Variants in DCBLD2 observed in about 807,000 individuals in gnomAD.
DCBLD2 encodes discoidin, CUB and LCCL domain containing 2, also known as discoidin, CUB and LCCL domain-containing protein 2.
DCBLD2 carries 54 observed loss-of-function variants against 86.8 expected under a neutral mutation model. That is an observed-to-expected ratio of 0.62 (90% CI 0.50 to 0.78). The LOEUF (loss-of-function observed/expected upper bound fraction) is 0.78. Among genes scored for constraint, DCBLD2 ranks in the 30% least tolerant of loss-of-function variants. The pLI is 0.00. For missense variants in DCBLD2, 908 were observed against 954.2 expected (o/e 0.95, Z 0.64); for synonymous variants, 354 against 341.3 (o/e 1.04, Z -0.41).
intron 3 of DCBLD2, among the ~76,000 whole-genome samples, chr3:98,836,511 C>T (rs1022749354): frequency 6.6e-6 from 1 of 151,874 alleles, no homozygotes; most frequent in Non-Finnish European, 1.5e-5. Flanking sequence ...ACAGACACCG[C>T]AACCATCCGA....
chr3:98,870,681 A>G (rs1439347775), intron 2 of DCBLD2, among the ~76,000 whole-genome samples: 1 of 150,006 alleles, frequency 6.7e-6, no homozygotes, highest in African/African-American at 2.5e-5. Flanking sequence ...AGAGAGAGAA[A>G]TAGAGAAAGA....
intron 1 of DCBLD2, among the ~76,000 whole-genome samples, chr3:98,882,304 C>T (rs1943484970): frequency 6.6e-6 from 1 of 152,106 alleles, no homozygotes; most frequent in Non-Finnish European, 1.5e-5. Flanking sequence ...ATCCAATCTT[C>T]AAAAGAAGAG....
intron 13 of DCBLD2, among the ~76,000 whole-genome samples, chr3:98,807,594 T>C (rs1278107100): frequency 6.6e-6 from 1 of 152,192 alleles, no homozygotes; most frequent in Admixed American, 6.5e-5. Context: ...TGGTATTTTC[T>C]TACAGCATCC....
chr3:98,898,720 A>T (rs1943793268), intron 1 of DCBLD2, among the ~76,000 whole-genome samples: 1 of 152,178 alleles, frequency 6.6e-6, no homozygotes, highest in South Asian at 2.1e-4. Flanking sequence ...CCTAAAGAAC[A>T]TCTGTTAGAC....
intron 3 of DCBLD2, among the ~76,000 whole-genome samples, chr3:98,835,728 T>G (rs1375250579): frequency 2.0e-5 from 3 of 150,204 alleles, no homozygotes; most frequent in Admixed American, 6.6e-5. Context: ...TTTTGTATTT[T>G]TAGTAGAGAC....
At chr3:98,897,486 C>A (rs1943770072) in intron 1 of DCBLD2, among the ~76,000 whole-genome samples, 2 of 152,094 alleles carry the variant, frequency 1.3e-5, no homozygotes, top group Admixed American at 6.5e-5. Context: ...AACCTAATGT[C>A]AATGTGAAAA....
chr3:98,843,597 A>T (rs910390411), intron 3 of DCBLD2, among the ~76,000 whole-genome samples: 1 of 152,212 alleles, frequency 6.6e-6, no homozygotes, highest in Admixed American at 6.5e-5. Flanking sequence ...CTGATGTAAG[A>T]ATGAAAAAAT....
At chr3:98,836,717 C>CG (rs1191219530) in intron 3 of DCBLD2, among the ~76,000 whole-genome samples, 1 of 43,866 alleles carries the variant, frequency 2.3e-5, no homozygotes, top group African/African-American at 5.5e-5. Context: ...GCTGGCCGGG[C>CG]GGGGGGGCTG....
At chr3:98,820,420 T>TA (rs1209776168) in intron 6 of DCBLD2, 132 bp from the exon 7 acceptor site, 9 of 553,994 alleles carry the variant, frequency 1.6e-5, no homozygotes, top group Non-Finnish European at 2.3e-5. Flanking sequence ...GGCTAAAAAT[T>TA]AGACAACTAA....
chr3:98,822,317 T>C lies in DCBLD2; in HGVS notation c.741A>G (p.Ser247=), dbSNP rs755723727. 4 of 1,613,998 alleles carry C rather than the reference T, an allele frequency of 2.5e-6. No individual in the cohort carries two copies. Among genetic ancestry groups the C allele is most frequent in the Admixed American group, 1.7e-5 (1 of 60,024 alleles). The change falls in exon 6 of 16, where the codon TCA becomes TCG. Residue 247 remains serine, a synonymous_variant. Coordinates refer to ENST00000326840, the MANE Select transcript of DCBLD2 (RefSeq NM_080927.4). ...CACTGATTTGGCCGCCCAACGTGTTTGACACTACTCCTGCATGCACACCAG... is the reference window on the plus strand; with the variant it reads ...CACTGATTTGGCCGCCCAACGTGTTCGACACTACTCCTGCATGCACACCAG... The part of the protein sequence containing the change: ...CMAGVHAGVV[S]NTLGGQISVV...
chr3:98,814,469 G>A (rs934653432), intron 9 of DCBLD2: 40 of 152,124 alleles, frequency 2.6e-4, no homozygotes, highest in African/African-American at 9.7e-4. Context: ...CATGTACAGA[G>A]AAGTATGTGA....
At chr3:98,870,775 AAGAAAGAAAGAAAGAAAGAAAG>A (rs1943261143) in intron 2 of DCBLD2, among the ~76,000 whole-genome samples, 1 of 150,228 alleles carries the variant, frequency 6.7e-6, no homozygotes, top group East Asian at 2.0e-4. Flanking sequence ...GAAAGAAAGA[AAGAAAGAAAGAAAGAAAGAAAG>A]AAAGAAAGAA....
chr3:98,822,404 TAATA>T, intron 5 of DCBLD2, 43 bp from the exon 6 acceptor site: 2 of 1,582,300 alleles, frequency 1.3e-6, no homozygotes, highest in Non-Finnish European at 1.7e-6. Flanking sequence ...AATTTTCTCT[TAATA>T]ATTCATAAAC....
intron 2 of DCBLD2, among the ~76,000 whole-genome samples, chr3:98,857,851 T>A (rs945188768): frequency 2.0e-5 from 3 of 152,226 alleles, no homozygotes; most frequent in African/African-American, 7.2e-5. Flanking sequence ...TTACAATCCC[T>A]TAGCTAGACA....
intron 10 of DCBLD2, 42 bp from the exon 11 acceptor site, chr3:98,811,596 A>G (rs1221531108): frequency 6.6e-7 from 1 of 1,512,884 alleles, no homozygotes; most frequent in East Asian, 2.3e-5. Flanking sequence ...TTTGTTTTTA[A>G]AAATCATAAT....
At chr3:98,873,870 A>G (rs532232980) in intron 2 of DCBLD2, among the ~76,000 whole-genome samples, 1 of 152,216 alleles carries the variant, frequency 6.6e-6, no homozygotes, top group Non-Finnish European at 1.5e-5. Context: ...GGTGGGAAGC[A>G]TAAATATGTA....
chr3:98,826,000 C>T (rs1942213056), intron 3 of DCBLD2, among the ~76,000 whole-genome samples: 1 of 151,928 alleles, frequency 6.6e-6, no homozygotes, highest in African/African-American at 2.4e-5. Flanking sequence ...AACAAGTCCT[C>T]TCAGTAATTT....
chr3:98,894,078 G>C (rs939040359), intron 1 of DCBLD2, among the ~76,000 whole-genome samples: 1 of 152,170 alleles, frequency 6.6e-6, no homozygotes, highest in African/African-American at 2.4e-5. Flanking sequence ...ATCACGGAAA[G>C]AGCATTGTTG....
chr3:98,834,026 C>T (rs932189269), intron 3 of DCBLD2, among the ~76,000 whole-genome samples: 23 of 152,114 alleles, frequency 1.5e-4, no homozygotes, highest in African/African-American at 2.7e-4. Context: ...CCAGTCACCT[C>T]GGATTTTCCA....
Sources: gnomAD v4.1 joint callset for allele counts (sites outside exome capture counted in the v4.1 genomes callset) on GRCh38, gnomAD v4.1.1 for gene constraint, MANE v1.5 for transcripts, NCBI Gene and HGNC (gene_info 2026-07-23, HGNC 2026-07-21) for gene names.